Variants in PLCB4 observed in about 807,000 individuals in gnomAD.
PLCB4 encodes phospholipase C beta 4, also known as 1-phosphatidylinositol 4,5-bisphosphate phosphodiesterase beta-4.
A neutral mutation model predicts 178.8 loss-of-function variants in PLCB4; 77 were observed. The ratio of observed to expected loss-of-function variants is 0.43; its 90% CI spans 0.36 to 0.52. The LOEUF (loss-of-function observed/expected upper bound fraction) is 0.52, where lower values mean the gene tolerates loss of function less well. Ranked by LOEUF, PLCB4 falls within the 20% of genes least tolerant of loss-of-function variation. PLCB4 has a pLI of 0.00. For synonymous variants in PLCB4, 496 were observed against 490.8 expected, an observed-to-expected ratio of 1.01 and a Z score of -0.14; for missense variants, 1,024 against 1,453.4, an observed-to-expected ratio of 0.70 and a Z score of 4.80.
chr20:9,158,953 G>T (rs1026929050), intron 2 of PLCB4, among the ~76,000 whole-genome samples: 1 of 152,158 alleles, frequency 6.6e-6, no homozygotes, highest in African/African-American at 2.4e-5. Context: ...TACACTCTGA[G>T]AATCACTTGT....
At chr20:9,196,582 G>A (rs116850100) in intron 2 of PLCB4, among the ~76,000 whole-genome samples, 1,877 of 152,256 alleles carry the variant, frequency 0.012, 20 homozygotes, top group Non-Finnish European at 0.019. Flanking sequence ...GACAATTTAG[G>A]TATAAGAGGA....
chr20:9,251,258 T>C (rs1461864324), intron 3 of PLCB4, among the ~76,000 whole-genome samples: 1 of 152,204 alleles, frequency 6.6e-6, no homozygotes, highest in Middle Eastern at 3.2e-3. Context: ...CCCTTGCTAA[T>C]GAAAGTGTGG....
chr20:9,154,268 G>C (rs2146945231), intron 2 of PLCB4, among the ~76,000 whole-genome samples: 1 of 152,242 alleles, frequency 6.6e-6, no homozygotes, highest in Admixed American at 6.5e-5. Context: ...CCAATATTTG[G>C]TCACATGGTC....
intron 3 of PLCB4, among the ~76,000 whole-genome samples, chr20:9,237,074 G>T (rs911407601): frequency 1.3e-5 from 2 of 151,968 alleles, no homozygotes; most frequent in Non-Finnish European, 2.9e-5. Flanking sequence ...AAGAGAGAAT[G>T]AATGAAAAAA....
intron 1 of PLCB4, among the ~76,000 whole-genome samples, chr20:9,087,974 T>C (rs1243515577): frequency 6.6e-6 from 1 of 152,126 alleles, no homozygotes. Flanking sequence ...ACAGGAAAAC[T>C]CTCATCTTAA....
intron 12 of PLCB4, among the ~76,000 whole-genome samples, chr20:9,373,521 G>A (rs1840103700): frequency 6.6e-6 from 1 of 152,094 alleles, no homozygotes; most frequent in South Asian, 2.1e-4. Context: ...TCATACCTTT[G>A]CATGGACTGG....
At chr20:9,138,342 C>G (rs1030434398) in intron 2 of PLCB4, among the ~76,000 whole-genome samples, 2 of 152,010 alleles carry the variant, frequency 1.3e-5, no homozygotes, top group Non-Finnish European at 2.9e-5. Flanking sequence ...AAAATATACT[C>G]TAAAAATATT....
chr20:9,140,991 G>C (rs1337687043), intron 2 of PLCB4, among the ~76,000 whole-genome samples: 1 of 152,114 alleles, frequency 6.6e-6, no homozygotes, highest in Admixed American at 6.6e-5. Flanking sequence ...ATTGGGGACT[G>C]CCGCTCATCC....
At chr20:9,454,000 T>C (rs2042917424) in intron 33 of PLCB4, among the ~76,000 whole-genome samples, 1 of 152,212 alleles carries the variant, frequency 6.6e-6, no homozygotes, top group South Asian at 2.1e-4. Flanking sequence ...AAGTGCTTGT[T>C]TTCCACTCTG....
At chr20:9,348,632 CGTTT>C (rs199929335) in intron 7 of PLCB4, among the ~76,000 whole-genome samples, 1 of 151,798 alleles carries the variant, frequency 6.6e-6, no homozygotes, top group African/African-American at 2.4e-5. Context: ...AAAAGGTCTA[CGTTT>C]GTTTGTTTGT....
chr20:9,313,491 C>A (rs2094860871), intron 4 of PLCB4, among the ~76,000 whole-genome samples: 1 of 152,020 alleles, frequency 6.6e-6, no homozygotes, highest in Non-Finnish European at 1.5e-5. Flanking sequence ...AATCACAAAC[C>A]AAAAATAAAA....
chr20:9,101,348 A>G (rs1600406853), intron 2 of PLCB4, among the ~76,000 whole-genome samples: 1 of 152,134 alleles, frequency 6.6e-6, no homozygotes, highest in African/African-American at 2.4e-5. Context: ...AGACAGGATC[A>G]AGTGAACCTG....
intron 1 of PLCB4, among the ~76,000 whole-genome samples, chr20:9,080,944 T>G (rs62192825): frequency 0.032 from 4,936 of 152,310 alleles, 118 homozygotes; most frequent in Non-Finnish European, 0.048. Context: ...CCCATCAATA[T>G]CCTTCATTTT....
intron 9 of PLCB4, among the ~76,000 whole-genome samples, chr20:9,368,126 T>C (rs2035935226): frequency 6.6e-6 from 1 of 152,234 alleles, no homozygotes; most frequent in Non-Finnish European, 1.5e-5. Context: ...AAATGGAAAC[T>C]ATTAGTGTAC....
At chr20:9,422,732 T>C (rs1214628580) in intron 27 of PLCB4, among the ~76,000 whole-genome samples, 1 of 152,246 alleles carries the variant, frequency 6.6e-6, no homozygotes, top group Non-Finnish European at 1.5e-5. Context: ...AACTTTGTTT[T>C]CTTTCTTGTC....
intron 2 of PLCB4, among the ~76,000 whole-genome samples, chr20:9,156,829 C>CTCCCTCCCTCCCTCCT (rs2092797242): frequency 9.0e-6 from 1 of 111,484 alleles, no homozygotes; most frequent in African/African-American, 3.5e-5. Flanking sequence ...GCCTCCCTCC[C>CTCCCTCCCTCCCTCCT]TCCCTCCCTC....
chr20:9,303,405 T>C (rs564872593), intron 3 of PLCB4, among the ~76,000 whole-genome samples: 1 of 152,346 alleles, frequency 6.6e-6, no homozygotes, highest in South Asian at 2.1e-4. Flanking sequence ...TCAACTGTTA[T>C]AGATTCCACA....
Position 9,453,459 on chromosome 20 carries a change from AG to A in PLCB4, c.2996+1del. On this transcript the variant is annotated frameshift_variant and splice_region_variant, in exon 33 of 40. Coordinates refer to ENST00000378473, the MANE Select transcript of PLCB4 (RefSeq NM_001377142.1). LOFTEE classifies it high-confidence loss of function. ...ATCCTAGAGAAGGCAATGAAGAAGA[AG>A]GGGTAATACTGTTTATTTCCTTCTG... ...EKILEKAMKK[K>X]GGSNCLEMKK... The A allele has an allele frequency of 6.5e-7, 1 of 1,533,266 alleles. No individual in the cohort carries two copies. The highest frequency in any genetic ancestry group is 9.0e-7 in the Non-Finnish European group (1 of 1,108,202). The allele number at this position is 1,533,266 out of a possible 1,614,324, so 95.0% of individuals were successfully genotyped here. A position where few individuals can be genotyped will look rare whatever the true frequency, so the allele number is the denominator to read the frequency against.
At chr20:9,462,047 C>T (rs563278663) in intron 35 of PLCB4, among the ~76,000 whole-genome samples, 1 of 152,114 alleles carries the variant, frequency 6.6e-6, no homozygotes, top group African/African-American at 2.4e-5. Context: ...CCCTCTGGGA[C>T]AAAGCTGCCA....
Sources: gnomAD v4.1 joint callset for allele counts (sites outside exome capture counted in the v4.1 genomes callset) on GRCh38, gnomAD v4.1.1 for gene constraint, MANE v1.5 for transcripts, NCBI Gene and HGNC (gene_info 2026-07-23, HGNC 2026-07-21) for gene names.